ADARB2: variants seen among roughly 807,000 people sequenced by gnomAD.
The protein encoded by ADARB2 is adenosine deaminase RNA specific B2 (inactive), also known as inactive double-stranded RNA-specific editase B2.
A neutral mutation model predicts 62.2 loss-of-function variants in ADARB2; 25 were observed. The observed-to-expected ratio is 0.40, with a 90% CI of 0.29 to 0.56. The LOEUF (loss-of-function observed/expected upper bound fraction) is 0.56, where lower values mean the gene tolerates loss of function less well. Ranked by LOEUF, ADARB2 falls within the 20% of genes least tolerant of loss-of-function variation. ADARB2 has a pLI of 0.43. For missense variants in ADARB2, 1,071 were observed against 1,077.4 expected (o/e 0.99, Z 0.08); for synonymous variants, 572 against 500.8 (o/e 1.14, Z -1.90).
At position 1,184,876 on chromosome 10, in the gene ADARB2, C is replaced by T. The variant is rs369865323; in HGVS notation, c.2028G>A (p.Ala676=). 1.9e-5 allele frequency: 31 copies of T among 1,613,256 alleles called. No individual in the cohort carries two copies. Among genetic ancestry groups the T allele is most frequent in the East Asian group, 8.9e-5 (4 of 44,886 alleles). The change falls in exon 9 of 10, where the codon GCG becomes GCA. Residue 676 remains alanine, a synonymous_variant. Transcript: ENST00000381312. ...TGCGACCTACCCTGCCATACAGCCG[C>T]GCCCACCGTGCAGACAGCACGTGCT... ...LCKHVLSARW[A]RLYGRLSTRT...
chr10:1,624,472 C>G (rs1833742998), intron 1 of ADARB2, among the ~76,000 whole-genome samples: 1 of 152,140 alleles, frequency 6.6e-6, no homozygotes, highest in Non-Finnish European at 1.5e-5. Context: ...TGCCTCCCCA[C>G]CGGCTGGGGA....
intron 1 of ADARB2, among the ~76,000 whole-genome samples, chr10:1,722,322 G>T (rs1200586569): frequency 6.6e-6 from 1 of 152,146 alleles, no homozygotes; most frequent in Non-Finnish European, 1.5e-5. Flanking sequence ...GACTTACTGA[G>T]GTTAAAATAG....
chr10:1,436,748 A>G (rs899722706), intron 1 of ADARB2, among the ~76,000 whole-genome samples: 9 of 152,226 alleles, frequency 5.9e-5, no homozygotes, highest in Non-Finnish European at 8.8e-5. Flanking sequence ...TAAATAAAAA[A>G]GTCTTATTTT....
intron 3 of ADARB2, among the ~76,000 whole-genome samples, chr10:1,273,953 G>C (rs1831289107): frequency 6.6e-6 from 1 of 152,232 alleles, no homozygotes; most frequent in Admixed American, 6.5e-5. Flanking sequence ...GGGAGGTGGG[G>C]AGGCTTGTGC....
At chr10:1,320,400 T>C (rs900284043) in intron 3 of ADARB2, among the ~76,000 whole-genome samples, 3 of 152,190 alleles carry the variant, frequency 2.0e-5, no homozygotes, top group Admixed American at 6.5e-5. Flanking sequence ...AATCACACCA[T>C]GTAGATGTCA....
intron 1 of ADARB2, among the ~76,000 whole-genome samples, chr10:1,459,947 G>GTGTAGCA (rs1831148225): frequency 9.3e-6 from 1 of 107,390 alleles, no homozygotes. Flanking sequence ...CCTGCGTTAC[G>GTGTAGCA]AACCTGCCTG....
chr10:1,544,954 T>TACACACACACACACACACAC lies in ADARB2; in HGVS notation c.101-165795_101-165794insGTGTGTGTGTGTGTGTGTGT, dbSNP rs1418832536. ...ATATGTGAAGTCTATAATAGCAAAGTATACACACACACACACACACACACA... is the reference window on the plus strand; with the variant it reads ...ATATGTGAAGTCTATAATAGCAAAGTACACACACACACACACACACATACACACACACACACACACACACA... On this transcript the variant is annotated intron_variant, in intron 1 of 9. Coordinates refer to ENST00000381312, the MANE Select transcript of ADARB2 (RefSeq NM_018702.4). 1.1e-3 allele frequency among the ~76,000 whole-genome samples: 5 copies of TACACACACACACACACACAC among 4,622 alleles called. No individual in the cohort carries two copies. In the East Asian group the frequency reaches 0.04, roughly 37 times the overall value. The allele number at this position is 4,622 out of a possible 152,430, so 3.0% of individuals were successfully genotyped here. A position where few individuals can be genotyped will look rare whatever the true frequency, so the allele number is the denominator to read the frequency against.
intron 1 of ADARB2, among the ~76,000 whole-genome samples, chr10:1,563,520 A>G (rs12268030): frequency 0.21 from 32,509 of 152,112 alleles, 3,685 homozygotes; most frequent in Non-Finnish European, 0.23. Context: ...AATTTTGTTG[A>G]ATGAATATAA....
chr10:1,478,044 C>G (rs997079402), intron 1 of ADARB2, among the ~76,000 whole-genome samples: 1 of 152,206 alleles, frequency 6.6e-6, no homozygotes, highest in Non-Finnish European at 1.5e-5. Context: ...CAAACCTCCC[C>G]GAGCCTTTAC....
At position 1,562,007 on chromosome 10, in the gene ADARB2, G is replaced by C. The variant is rs373108960; in HGVS notation, c.100+175044C>G. On this transcript the variant is annotated intron_variant, in intron 1 of 9. Coordinates refer to ENST00000381312, the MANE Select transcript of ADARB2 (RefSeq NM_018702.4). ...GCAGTCACCTCTGGGTGCAGCCCCA[G>C]CTTCCGAGCTCATCGCCTCCCAGGA... Among the ~76,000 whole-genome samples, 5 of 152,306 alleles carry C rather than the reference G, an allele frequency of 3.3e-5. No individual in the cohort carries two copies. The South Asian group carries it at 6.2e-4, about 19-fold the overall frequency.
intron 3 of ADARB2, among the ~76,000 whole-genome samples, chr10:1,324,462 G>A (rs151200000): frequency 0.018 from 2,780 of 152,298 alleles, 39 homozygotes; most frequent in Non-Finnish European, 0.029. Flanking sequence ...GCGTTCATAT[G>A]AGCCCCAAAC....
intron 1 of ADARB2, among the ~76,000 whole-genome samples, chr10:1,481,640 C>CT (rs71379131): frequency 1.3e-5 from 2 of 151,948 alleles, no homozygotes; most frequent in Non-Finnish European, 2.9e-5. Flanking sequence ...GTGCGGATCA[C>CT]GAGGTCAGGA....
chr10:1,350,222 T>C (rs1203158409), intron 3 of ADARB2, among the ~76,000 whole-genome samples: 2 of 152,218 alleles, frequency 1.3e-5, no homozygotes, highest in Non-Finnish European at 2.9e-5. Context: ...CTGAAGTGCC[T>C]GACGTCCAGG....
At chr10:1,185,600 C>T (rs1037655931) in intron 8 of ADARB2, among the ~76,000 whole-genome samples, 3 of 152,244 alleles carry the variant, frequency 2.0e-5, no homozygotes, top group Admixed American at 6.5e-5. Context: ...GTGTTTGAGA[C>T]TCAGTGCACA....
At chr10:1,400,962 G>T (rs776797353) in intron 1 of ADARB2, among the ~76,000 whole-genome samples, 1 of 152,172 alleles carries the variant, frequency 6.6e-6, no homozygotes, top group Non-Finnish European at 1.5e-5. Context: ...AGGGAAGAAG[G>T]CCTGAGAATC....
rs1352355375 is a variant in ADARB2 at position 1,704,195 on chromosome 10, G to C, written c.100+32856C>G. 1.3e-5 allele frequency among the ~76,000 whole-genome samples: 2 copies of C among 152,142 alleles called. No homozygotes were observed. The highest frequency in any genetic ancestry group is 1.3e-4 in the Admixed American group (2 of 15,282). On this transcript the variant is annotated intron_variant, in intron 1 of 9. Transcript: ENST00000381312. The surrounding 1 kb of genome is among the most constrained non-coding windows in gnomAD (Gnocchi z 5.6). ...GAAGACAATTTTTCCATGGACTGGG[G>C]GCTGCAGGGATGGTTTCAGGATGAT...
chr10:1,713,302 C>T (rs1020172326), intron 1 of ADARB2, among the ~76,000 whole-genome samples: 1 of 152,218 alleles, frequency 6.6e-6, no homozygotes, highest in African/African-American at 2.4e-5. Context: ...ATTCTCTCTT[C>T]CCCGGACCGG....
At chr10:1,231,196 T>C (rs1330589860) in intron 6 of ADARB2, among the ~76,000 whole-genome samples, 1 of 152,178 alleles carries the variant, frequency 6.6e-6, no homozygotes, top group Non-Finnish European at 1.5e-5. Flanking sequence ...AGGAAGAGGC[T>C]GGATAACTCA....
At chr10:1,554,565 G>A (rs1832674416) in intron 1 of ADARB2, among the ~76,000 whole-genome samples, 2 of 151,854 alleles carry the variant, frequency 1.3e-5, no homozygotes, top group African/African-American at 4.8e-5. Flanking sequence ...GTGACTTCAG[G>A]GCACAGATGG....
Sources: gnomAD v4.1 joint callset for allele counts (sites outside exome capture counted in the v4.1 genomes callset) on GRCh38, gnomAD v4.1.1 for gene constraint, Gnocchi (gnomAD v3.1) non-coding constraint, MANE v1.5 for transcripts, NCBI Gene and HGNC (gene_info 2026-07-23, HGNC 2026-07-21) for gene names.